CADPS2: variants seen among roughly 807,000 people sequenced by gnomAD.
The protein encoded by CADPS2 is calcium dependent secretion activator 2, also known as calcium-dependent secretion activator 2.
In CADPS2, 93 loss-of-function variants were observed where a neutral mutation model predicts 172.5. The ratio of observed to expected loss-of-function variants is 0.54; its 90% CI spans 0.46 to 0.64. The LOEUF (loss-of-function observed/expected upper bound fraction) is 0.64. Ranked by LOEUF, CADPS2 falls within the 30% of genes least tolerant of loss-of-function variation. The pLI, the probability that CADPS2 is intolerant of heterozygous loss-of-function variation, is 0.00. For synonymous variants in CADPS2, 546 were observed against 555.2 expected (o/e 0.98, Z 0.23); for missense variants, 1,420 against 1,565.9 (o/e 0.91, Z 1.57).
intron 1 of CADPS2, among the ~76,000 whole-genome samples, chr7:122,754,102 G>A (rs2093062236): frequency 6.6e-6 from 1 of 152,166 alleles, no homozygotes; most frequent in Non-Finnish European, 1.5e-5. Context: ...GTAAGGTTGA[G>A]TCACAATTTA....
At position 122,476,271 on chromosome 7, in the gene CADPS2, G is replaced by C. The variant is rs553424988; in HGVS notation, c.1862-1754C>G. 4.6e-5 allele frequency among the ~76,000 whole-genome samples: 7 copies of C among 151,878 alleles called. No individual in the cohort carries two copies. In the South Asian group the frequency reaches 1.2e-3, roughly 27 times the overall value. ...TCTTTCACCAGAGAAGGTTACAACA[G>C]GAGTTAAAAATAATGCCCATTAATG... On this transcript the variant is annotated intron_variant, in intron 12 of 29. Transcript: ENST00000449022.
At chr7:122,625,030 A>C (rs1424541230) in intron 4 of CADPS2, among the ~76,000 whole-genome samples, 1 of 149,026 alleles carries the variant, frequency 6.7e-6, no homozygotes, top group Non-Finnish European at 1.5e-5. Context: ...CTAAAAGTGG[A>C]TAAGGAAGTA....
chr7:122,622,222 T>C (rs2075674926), intron 4 of CADPS2, among the ~76,000 whole-genome samples: 1 of 152,202 alleles, frequency 6.6e-6, no homozygotes, highest in Admixed American at 6.5e-5. Context: ...AAACTCACAT[T>C]ATTGAAGAGT....
At chr7:122,487,717 A>T (rs2057961104) in intron 11 of CADPS2, among the ~76,000 whole-genome samples, 1 of 152,222 alleles carries the variant, frequency 6.6e-6, no homozygotes, top group South Asian at 2.1e-4. Flanking sequence ...AGGATATTTC[A>T]TAGTCATGGC....
intron 6 of CADPS2, among the ~76,000 whole-genome samples, chr7:122,592,928 G>GTATA (rs1483341370): frequency 1.3e-5 from 2 of 151,724 alleles, no homozygotes; most frequent in African/African-American, 2.4e-5. Context: ...CATGGCACAT[G>GTATA]TATACATATG....
At chr7:122,686,064 A>G (rs1352780408) in intron 2 of CADPS2, among the ~76,000 whole-genome samples, 1 of 152,194 alleles carries the variant, frequency 6.6e-6, no homozygotes, top group Non-Finnish European at 1.5e-5. Context: ...CCTGTGGTCC[A>G]CTTTTTTAGT....
intron 25 of CADPS2, among the ~76,000 whole-genome samples, chr7:122,365,982 A>G (rs761111563): frequency 6.6e-6 from 1 of 152,144 alleles, no homozygotes; most frequent in African/African-American, 2.4e-5. Flanking sequence ...AACAAGGAAT[A>G]TTTGCATCAT....
chr7:122,601,702 C>G (rs536756123), intron 6 of CADPS2, among the ~76,000 whole-genome samples: 1 of 152,038 alleles, frequency 6.6e-6, no homozygotes, highest in South Asian at 2.1e-4. Context: ...ACCCCCAAAT[C>G]CTAAGTTTAC....
intron 24 of CADPS2, chr7:122,386,266 G>A (rs1378879164): frequency 1.5e-6 from 2 of 1,378,994 alleles, no homozygotes; most frequent in South Asian, 3.7e-5. Context: ...CAAATGAAAT[G>A]TGCTTTTAGA....
intron 15 of CADPS2, among the ~76,000 whole-genome samples, chr7:122,447,819 T>C (rs1055226360): frequency 5.3e-5 from 8 of 151,950 alleles, no homozygotes; most frequent in Non-Finnish European, 1.2e-4. Flanking sequence ...TCCCAAAATG[T>C]TGGGATTACA....
intron 7 of CADPS2, among the ~76,000 whole-genome samples, chr7:122,575,074 A>G (rs1342360295): frequency 2.0e-5 from 3 of 152,088 alleles, no homozygotes. Context: ...CCAGTCATGA[A>G]AAAAATAGTC....
At position 122,447,543 on chromosome 7, in the gene CADPS2, A is replaced by ATTTTTTTTTTT. The variant is rs1159112244; in HGVS notation, c.2288+3820_2288+3830dup. On this transcript the variant is annotated intron_variant, in intron 15 of 29. Transcript: ENST00000449022. The stretch of plus-strand genomic sequence containing the variant: ...CCATGTTGATTTCTTGTTTCGGGGA[A>ATTTTTTTTTTT]TTTTTTTTTTTTTTTTTTTTTTTTT... 3.3e-3 allele frequency among the ~76,000 whole-genome samples: 297 copies of ATTTTTTTTTTT among 89,778 alleles called. 40 individuals are homozygous for ATTTTTTTTTTT. Among genetic ancestry groups the ATTTTTTTTTTT allele is most frequent in the Non-Finnish European group, 4.5e-3 (202 of 44,640 alleles). 58.9% of individuals were successfully genotyped at this position (89,778 alleles called of 152,430 possible).
intron 2 of CADPS2, among the ~76,000 whole-genome samples, chr7:122,665,800 G>A (rs2081129935): frequency 6.6e-6 from 1 of 152,120 alleles, no homozygotes; most frequent in Non-Finnish European, 1.5e-5. Context: ...TTCCCAAAAT[G>A]CTTCCTCTCT....
chr7:122,780,537 G>T (rs1027426871), intron 1 of CADPS2, among the ~76,000 whole-genome samples: 6 of 152,036 alleles, frequency 3.9e-5, no homozygotes, highest in African/African-American at 1.4e-4. Context: ...ATCCGATTTA[G>T]CCCATTCTGG....
intron 1 of CADPS2, among the ~76,000 whole-genome samples, chr7:122,757,967 AT>A (rs1356117055): frequency 6.6e-6 from 1 of 152,122 alleles, no homozygotes; most frequent in Non-Finnish European, 1.5e-5. Context: ...TCTAGCTACG[AT>A]TTTTCCAAGA....
intron 2 of CADPS2, among the ~76,000 whole-genome samples, chr7:122,723,997 G>C (rs1257371827): frequency 6.8e-6 from 1 of 146,004 alleles, no homozygotes; most frequent in Admixed American, 6.9e-5. Flanking sequence ...ATGGACACAG[G>C]AAGAGGAACA....
At chr7:122,740,670 C>T (rs12706438) in intron 1 of CADPS2, among the ~76,000 whole-genome samples, 37,147 of 151,762 alleles carry the variant, frequency 0.24, 4,704 homozygotes, top group Middle Eastern at 0.31. Context: ...GAAATGTCAT[C>T]AATTTATTTG....
chr7:122,424,903 C>A (rs2048958617), intron 17 of CADPS2, among the ~76,000 whole-genome samples: 1 of 152,156 alleles, frequency 6.6e-6, no homozygotes, highest in Admixed American at 6.5e-5. Flanking sequence ...CTGGATATAA[C>A]TGTGTTATAG....
intron 1 of CADPS2, among the ~76,000 whole-genome samples, chr7:122,868,049 G>A (rs1211652338): frequency 6.6e-6 from 1 of 151,992 alleles, no homozygotes; most frequent in Non-Finnish European, 1.5e-5. Flanking sequence ...ATGCCAGAGT[G>A]AGCACTTCTT....
Sources: gnomAD v4.1 joint callset for allele counts (sites outside exome capture counted in the v4.1 genomes callset) on GRCh38, gnomAD v4.1.1 for gene constraint, MANE v1.5 for transcripts, NCBI Gene and HGNC (gene_info 2026-07-23, HGNC 2026-07-21) for gene names.